SLC24A3: variants seen among roughly 807,000 people sequenced by gnomAD.
SLC24A3 encodes solute carrier family 24 member 3, also known as sodium/potassium/calcium exchanger 3.
In SLC24A3, 28 loss-of-function variants were observed where a neutral mutation model predicts 75.8. The observed-to-expected ratio is 0.37, with a 90% CI of 0.27 to 0.51. SLC24A3 has a LOEUF of 0.51. Ranked by LOEUF, SLC24A3 falls within the 20% of genes least tolerant of loss-of-function variation. The pLI is 0.94. For missense variants in SLC24A3, 663 were observed against 847.8 expected, an observed-to-expected ratio of 0.78 and a Z score of 2.71; for synonymous variants, 372 against 334.1, an observed-to-expected ratio of 1.11 and a Z score of -1.24.
intron 2 of SLC24A3, among the ~76,000 whole-genome samples, chr20:19,367,293 C>A (rs996773800): frequency 2.0e-5 from 3 of 152,192 alleles, no homozygotes; most frequent in East Asian, 3.9e-4. Flanking sequence ...AGCCGATTGG[C>A]TCCCCAAAGA....
At chr20:19,247,778 T>C (rs1215185719) in intron 1 of SLC24A3, among the ~76,000 whole-genome samples, 1 of 152,244 alleles carries the variant, frequency 6.6e-6, no homozygotes, top group East Asian at 1.9e-4. Flanking sequence ...TAATTTCTTT[T>C]AGAAAACTTC....
chr20:19,372,700 C>G (rs1330794051), intron 2 of SLC24A3, among the ~76,000 whole-genome samples: 1 of 152,166 alleles, frequency 6.6e-6, no homozygotes, highest in African/African-American at 2.4e-5. Context: ...CCAAGCCCTG[C>G]TGGTCACCTT....
chr20:19,297,983 G>C (rs975357484), intron 2 of SLC24A3, among the ~76,000 whole-genome samples: 3 of 152,212 alleles, frequency 2.0e-5, no homozygotes, highest in African/African-American at 7.2e-5. Context: ...ACACCTTTCA[G>C]GTGCAGCACT....
intron 6 of SLC24A3, among the ~76,000 whole-genome samples, chr20:19,628,705 C>G (rs1164552861): frequency 1.3e-5 from 2 of 152,024 alleles, no homozygotes; most frequent in Non-Finnish European, 2.9e-5. Flanking sequence ...TGCTACACCA[C>G]TACCAGAGAA....
intron 2 of SLC24A3, among the ~76,000 whole-genome samples, chr20:19,323,515 A>T (rs1341073849): frequency 6.6e-6 from 1 of 152,158 alleles, no homozygotes; most frequent in Non-Finnish European, 1.5e-5. Flanking sequence ...GAACCAATGG[A>T]ATAAGGCCTT....
At position 19,654,641 on chromosome 20, in the gene SLC24A3, C is replaced by CTT. The variant is rs34507566; in HGVS notation, c.687+528_687+529dup. Among the ~76,000 whole-genome samples, 647 of 89,904 alleles carry CTT rather than the reference C, an allele frequency of 7.2e-3. 1 individual carries two copies. Among genetic ancestry groups the CTT allele is most frequent in the Non-Finnish European group, 8.4e-3 (405 of 48,490 alleles). 59.0% of individuals were successfully genotyped at this position (89,904 alleles called of 152,430 possible). A position where few individuals can be genotyped will look rare whatever the true frequency, so the allele number is the denominator to read the frequency against. ...ACTCAACATGTCCCTAAATAGAATCCTTTTTTTTTTTTTTTTTTTTTTTTG... is the reference window on the plus strand; with the variant it reads ...ACTCAACATGTCCCTAAATAGAATCCTTTTTTTTTTTTTTTTTTTTTTTTTTG... On this transcript the variant is annotated intron_variant, in intron 7 of 16. Coordinates refer to ENST00000328041, the MANE Select transcript of SLC24A3 (RefSeq NM_020689.4).
chr20:19,440,769 A>T (rs1399286049), intron 2 of SLC24A3, among the ~76,000 whole-genome samples: 1 of 151,798 alleles, frequency 6.6e-6, no homozygotes, highest in African/African-American at 2.4e-5. Flanking sequence ...AAGAAGAACG[A>T]TGAGAGTGTC....
chr20:19,552,206 G>C (rs1036340177), intron 3 of SLC24A3, among the ~76,000 whole-genome samples: 1 of 152,194 alleles, frequency 6.6e-6, no homozygotes, highest in African/African-American at 2.4e-5. Flanking sequence ...AGCCAGAAAT[G>C]GGCAGGTGAG....
rs1477222001 is a variant in SLC24A3 at position 19,721,190 on chromosome 20, A to G, written c.*50A>G. The G allele has an allele frequency of 1.2e-6, 2 of 1,604,188 alleles. No homozygotes were observed. The highest frequency in any genetic ancestry group is 2.2e-5 in the South Asian group (2 of 89,890). ...AGCTCCTTCTTTTCTGTGCAATACG[A>G]GACCCGGCCGCACCCCGAGTCACAC... On this transcript the variant is annotated 3_prime_UTR_variant, in exon 17 of 17. Transcript: ENST00000328041.
intron 6 of SLC24A3, among the ~76,000 whole-genome samples, chr20:19,585,980 G>A (rs1007394323): frequency 1.3e-5 from 2 of 152,146 alleles, no homozygotes; most frequent in South Asian, 2.1e-4. Flanking sequence ...CAGTCATCAC[G>A]GTTTAGGACA....
chr20:19,693,708 T>A, intron 13 of SLC24A3: 1 of 339,932 alleles, frequency 2.9e-6, no homozygotes, highest in South Asian at 7.0e-5. Context: ...GCAGGTGGGG[T>A]CCATGTCTAC....
intron 2 of SLC24A3, among the ~76,000 whole-genome samples, chr20:19,367,994 A>G (rs907703056): frequency 6.6e-6 from 1 of 152,254 alleles, no homozygotes; most frequent in African/African-American, 2.4e-5. Flanking sequence ...TTGGAAAGAT[A>G]AAATATACTC....
At chr20:19,321,789 ATTC>A (rs1230900391) in intron 2 of SLC24A3, among the ~76,000 whole-genome samples, 2 of 152,160 alleles carry the variant, frequency 1.3e-5, no homozygotes, top group Non-Finnish European at 2.9e-5. Context: ...ATATTCCTAT[ATTC>A]TTATTTCTCC....
intron 2 of SLC24A3, among the ~76,000 whole-genome samples, chr20:19,377,741 A>G (rs6112336): frequency 0.013 from 1,997 of 152,290 alleles, 37 homozygotes; most frequent in African/African-American, 0.046. Context: ...TCATTTCAAA[A>G]GGTGATAAGG....
chr20:19,502,549 A>G (rs971102239), intron 2 of SLC24A3, among the ~76,000 whole-genome samples: 15 of 152,016 alleles, frequency 9.9e-5, no homozygotes, highest in African/African-American at 3.1e-4. Context: ...AATTACCACA[A>G]ATGATGACCC....
At chr20:19,318,568 T>C (rs8117268) in intron 2 of SLC24A3, among the ~76,000 whole-genome samples, 13,740 of 152,124 alleles carry the variant, frequency 0.09, 2,005 homozygotes, top group African/African-American at 0.31. Flanking sequence ...TATTACCAGA[T>C]ATGAAATCAA....
At chr20:19,228,445 C>T (rs1241690440) in intron 1 of SLC24A3, among the ~76,000 whole-genome samples, 1 of 152,126 alleles carries the variant, frequency 6.6e-6, no homozygotes, top group Non-Finnish European at 1.5e-5. Flanking sequence ...CAAGACCATC[C>T]TGGCTAACAC....
At chr20:19,470,081 G>GC (rs1332689722) in intron 2 of SLC24A3, among the ~76,000 whole-genome samples, 173 of 152,302 alleles carry the variant, frequency 1.1e-3, no homozygotes, top group Non-Finnish European at 1.6e-3. Flanking sequence ...GTGTGAAGAT[G>GC]CCCTGCCACC....
At chr20:19,613,052 A>T (rs1349960608) in intron 6 of SLC24A3, among the ~76,000 whole-genome samples, 1 of 152,028 alleles carries the variant, frequency 6.6e-6, no homozygotes, top group Non-Finnish European at 1.5e-5. Context: ...TCTCTTCCTC[A>T]TGACTTTCCA....
Sources: gnomAD v4.1 joint callset for allele counts (sites outside exome capture counted in the v4.1 genomes callset) on GRCh38, gnomAD v4.1.1 for gene constraint, MANE v1.5 for transcripts, NCBI Gene and HGNC (gene_info 2026-07-23, HGNC 2026-07-21) for gene names.